RNF24: variants seen among roughly 807,000 people sequenced by gnomAD.
RNF24 encodes ring finger protein 24.
A neutral mutation model predicts 20.0 loss-of-function variants in RNF24; 14 were observed. The ratio of observed to expected loss-of-function variants is 0.70; its 90% CI spans 0.46 to 1.10. RNF24 has a LOEUF of 1.10. Among genes scored for constraint, RNF24 ranks in the 50% least tolerant of loss-of-function variants. The pLI is 0.00. For missense variants in RNF24, 124 were observed against 177.6 expected, an observed-to-expected ratio of 0.70 and a Z score of 1.71; for synonymous variants, 45 against 61.1, an observed-to-expected ratio of 0.74 and a Z score of 1.23.
intron 4 of RNF24, 84 bp downstream of exon 4, chr20:3,945,091 ACT>A (rs2091000859): frequency 6.6e-7 from 1 of 1,515,588 alleles, no homozygotes; most frequent in Non-Finnish European, 8.9e-7. Flanking sequence ...TTTTTCAACT[ACT>A]GAGAATAAAA....
In RNF24 at chr20:3,927,416, A is replaced by G. The variant is rs1384283538; in HGVS notation, c.*6647T>C. 3 of 152,242 alleles carry G rather than the reference A, an allele frequency of 2.0e-5. No homozygotes were observed. Among genetic ancestry groups the G allele is most frequent in the African/African-American group, 7.2e-5 (3 of 41,460 alleles). The allele number at this position is 152,242 out of a possible 1,614,324, so 9.4% of individuals were successfully genotyped here. On this transcript the variant is annotated 3_prime_UTR_variant, in exon 6 of 6. Coordinates refer to ENST00000358395, the MANE Select transcript of RNF24 (RefSeq NM_001134337.3). ...ATTAAAATTTTAAAATAGCAATTAA[A>G]TATACAAAAATATAGCTTACAAAAA...
chr20:4,003,932 A>C lies in RNF24; in HGVS notation c.-8+11505T>G, dbSNP rs374317904. Among the ~76,000 whole-genome samples the C allele has an allele frequency of 8.4e-4, 128 of 152,244 alleles. No homozygotes were observed. The Middle Eastern group carries it at 0.01, about 12-fold the overall frequency. ...AGTGTTGGGATTACAGGCGTGAGCCACCACGCCTGGCCAGAAACTCTTATA... is the reference window on the plus strand; with the variant it reads ...AGTGTTGGGATTACAGGCGTGAGCCCCCACGCCTGGCCAGAAACTCTTATA... On this transcript the variant is annotated intron_variant, in intron 1 of 5. Coordinates refer to ENST00000358395, the MANE Select transcript of RNF24 (RefSeq NM_001134337.3).
chr20:3,947,707 T>TA (rs775976273), intron 3 of RNF24, among the ~76,000 whole-genome samples: 2 of 152,216 alleles, frequency 1.3e-5, no homozygotes, highest in Non-Finnish European at 2.9e-5. Context: ...AGTTTCCTGT[T>TA]AAATTATATC....
At chr20:3,982,487 G>C (rs961851603) in intron 1 of RNF24, among the ~76,000 whole-genome samples, 1 of 149,622 alleles carries the variant, frequency 6.7e-6, no homozygotes, top group African/African-American at 2.5e-5. Context: ...TGAGGCAGGA[G>C]AATCGCCTGA....
At chr20:3,968,190 A>C (rs2146998619) in intron 1 of RNF24, among the ~76,000 whole-genome samples, 2 of 152,156 alleles carry the variant, frequency 1.3e-5, no homozygotes, top group Middle Eastern at 3.4e-3. Context: ...CTGTAATCCC[A>C]GCTTCTCAGG....
chr20:3,947,622 C>G (rs1053774660), intron 3 of RNF24, among the ~76,000 whole-genome samples: 3 of 152,198 alleles, frequency 2.0e-5, no homozygotes, highest in Non-Finnish European at 4.4e-5. Context: ...AATGGTATCT[C>G]AGAACTCCAT....
chr20:3,996,963 G>A (rs888806322), intron 1 of RNF24, among the ~76,000 whole-genome samples: 1 of 152,094 alleles, frequency 6.6e-6, no homozygotes, highest in Non-Finnish European at 1.5e-5. Context: ...GCTCACGCCT[G>A]TAATCCCAGC....
At position 3,932,876 on chromosome 20, in the gene RNF24, C is replaced by T; in HGVS notation, c.*1187G>A. On this transcript the variant is annotated 3_prime_UTR_variant, in exon 6 of 6. Coordinates refer to ENST00000358395, the MANE Select transcript of RNF24 (RefSeq NM_001134337.3). ...TTGGACAGAAAGAGCCAAAGAGCAG[C>T]ATGCGTTTCTCTCCTATAAAGACAC... is the stretch of plus-strand genomic sequence containing the variant. 2.5e-6 allele frequency: 1 copy of T among 398,552 alleles called. No individual in the cohort carries two copies. Among genetic ancestry groups the T allele is most frequent in the East Asian group, 3.6e-5 (1 of 28,080 alleles). 24.7% of individuals were successfully genotyped at this position (398,552 alleles called of 1,614,324 possible). A position where few individuals can be genotyped will look rare whatever the true frequency, so the allele number is the denominator to read the frequency against.
chr20:3,964,153 T>C (rs1462381169), intron 1 of RNF24, 129 bp from the exon 2 acceptor site: 1 of 674,738 alleles, frequency 1.5e-6, no homozygotes, highest in Non-Finnish European at 2.3e-6. Context: ...GTGTTAATAT[T>C]CTTGCCATTC....
intron 2 of RNF24, among the ~76,000 whole-genome samples, chr20:3,963,579 T>C (rs2091226313): frequency 6.6e-6 from 1 of 152,220 alleles, no homozygotes; most frequent in East Asian, 1.9e-4. Flanking sequence ...TGAGAGTAGA[T>C]TAAATCTTGG....
intron 1 of RNF24, among the ~76,000 whole-genome samples, chr20:3,994,363 C>G (rs979114399): frequency 1.7e-4 from 26 of 152,144 alleles, no homozygotes; most frequent in African/African-American, 6.0e-4. Context: ...TTATAACTCC[C>G]CGGAAAAGCA....
intron 1 of RNF24, among the ~76,000 whole-genome samples, chr20:3,990,853 A>G (rs1481048937): frequency 2.6e-5 from 4 of 152,102 alleles, no homozygotes; most frequent in Non-Finnish European, 4.4e-5. Context: ...CCCAGCCAAG[A>G]TGACAGAGCA....
At chr20:3,972,490 G>A (rs190335622) in intron 1 of RNF24, among the ~76,000 whole-genome samples, 6 of 152,312 alleles carry the variant, frequency 3.9e-5, no homozygotes, top group Admixed American at 3.3e-4. Flanking sequence ...ATTTATAACA[G>A]AAGGGTAGCA....
In RNF24 at chr20:3,933,137, G is replaced by A. The variant is rs1354016930; in HGVS notation, c.*926C>T. 2 of 397,666 alleles carry A rather than the reference G, an allele frequency of 5.0e-6. No homozygotes were observed. The highest frequency in any genetic ancestry group is 4.1e-5 in the African/African-American group (2 of 48,274). The allele number at this position is 397,666 out of a possible 1,614,324, so 24.6% of individuals were successfully genotyped here. A position where few individuals can be genotyped will look rare whatever the true frequency, so the allele number is the denominator to read the frequency against. On this transcript the variant is annotated 3_prime_UTR_variant, in exon 6 of 6. Transcript: ENST00000358395. ...AAGAGAGAGAAGAGATGGAAGGAGGGGGAGAGGCCAAAGGGTCGGCATTCC... is the reference window on the plus strand; with the variant it reads ...AAGAGAGAGAAGAGATGGAAGGAGGAGGAGAGGCCAAAGGGTCGGCATTCC...
chr20:3,965,390 A>T (rs1300486201), intron 1 of RNF24, among the ~76,000 whole-genome samples: 1 of 152,210 alleles, frequency 6.6e-6, no homozygotes, highest in Non-Finnish European at 1.5e-5. Context: ...TCTTATGATT[A>T]GTTTCCAGTC....
chr20:3,980,189 A>G (rs1453513676), intron 1 of RNF24, among the ~76,000 whole-genome samples: 1 of 152,252 alleles, frequency 6.6e-6, no homozygotes, highest in African/African-American at 2.4e-5. Context: ...AAATATAGAA[A>G]TATCTTCACA....
chr20:3,982,511 A>C (rs1024531292), intron 1 of RNF24, among the ~76,000 whole-genome samples: 2 of 141,404 alleles, frequency 1.4e-5, no homozygotes, highest in African/African-American at 5.2e-5. Flanking sequence ...CAGGAGGTGG[A>C]GGTTGCAGTG....
At chr20:3,975,171 T>C (rs1389831743) in intron 1 of RNF24, among the ~76,000 whole-genome samples, 2 of 152,208 alleles carry the variant, frequency 1.3e-5, no homozygotes, top group African/African-American at 4.8e-5. Context: ...ATATGGTCTT[T>C]TCAACAATTA....
chr20:4,014,063 T>C (rs1982676127), intron 1 of RNF24, among the ~76,000 whole-genome samples: 1 of 152,154 alleles, frequency 6.6e-6, no homozygotes, highest in South Asian at 2.1e-4. Flanking sequence ...GAGTCAACGT[T>C]TGTGGGAACC....
Sources: gnomAD v4.1 joint callset for allele counts (sites outside exome capture counted in the v4.1 genomes callset) on GRCh38, gnomAD v4.1.1 for gene constraint, MANE v1.5 for transcripts, NCBI Gene and HGNC (gene_info 2026-07-23, HGNC 2026-07-21) for gene names.